Variants in SPIDR observed in about 807,000 individuals in gnomAD.
The protein encoded by SPIDR is DNA repair-scaffolding protein.
A neutral mutation model predicts 104.6 loss-of-function variants in SPIDR; 93 were observed. The ratio of observed to expected loss-of-function variants is 0.89; its 90% CI spans 0.75 to 1.06. The LOEUF (loss-of-function observed/expected upper bound fraction) is 1.06. Ranked by LOEUF, SPIDR falls within the 50% of genes least tolerant of loss-of-function variation. The pLI, the probability that SPIDR is intolerant of heterozygous loss-of-function variation, is 0.00. For synonymous variants in SPIDR, 431 were observed against 416.9 expected (o/e 1.03, Z -0.41); for missense variants, 1,154 against 1,111.2 (o/e 1.04, Z -0.55).
chr8:47,431,714 G>T (rs568679307), intron 7 of SPIDR, among the ~76,000 whole-genome samples: 118 of 152,222 alleles, frequency 7.8e-4, no homozygotes, highest in Non-Finnish European at 8.8e-5. Context: ...TCTGTTTCAT[G>T]CTTAGAATAA....
rs1554566902 is a variant in SPIDR, at chr8:47,289,897, T to A, written c.257-1136T>A. Among the ~76,000 whole-genome samples the A allele has an allele frequency of 2.0e-3, 303 of 152,282 alleles. 1 individual carries two copies. Among genetic ancestry groups the A allele is most frequent in the Non-Finnish European group, 3.3e-3 (223 of 68,012 alleles). On this transcript the variant is annotated intron_variant, in intron 3 of 19. Transcript: ENST00000297423. Reference sequence around the variant, plus strand: ...AGGTGAATGATTAAACAAACTATGGTGCATAGTACCATGGTGTACTATTCA... The same window carrying A: ...AGGTGAATGATTAAACAAACTATGGAGCATAGTACCATGGTGTACTATTCA...
At chr8:47,593,109 A>T (rs1281406624) in intron 8 of SPIDR, among the ~76,000 whole-genome samples, 2 of 151,774 alleles carry the variant, frequency 1.3e-5, no homozygotes, top group Admixed American at 6.6e-5. Flanking sequence ...CTGGTCTCGA[A>T]CTCCTGACCT....
intron 6 of SPIDR, among the ~76,000 whole-genome samples, chr8:47,400,089 G>A (rs1337720672): frequency 6.6e-6 from 1 of 152,162 alleles, no homozygotes; most frequent in Non-Finnish European, 1.5e-5. Context: ...TGCCTTCCCT[G>A]GCATTGGGCA....
chr8:47,492,300 C>G (rs2078844119), intron 8 of SPIDR, among the ~76,000 whole-genome samples: 1 of 152,100 alleles, frequency 6.6e-6, no homozygotes, highest in Non-Finnish European at 1.5e-5. Context: ...TTATTCTTCC[C>G]AAGGTATAAG....
intron 6 of SPIDR, among the ~76,000 whole-genome samples, chr8:47,406,304 C>T (rs1462791936): frequency 6.6e-6 from 1 of 152,134 alleles, no homozygotes; most frequent in Non-Finnish European, 1.5e-5. Context: ...CCAGCTACAC[C>T]ACTCATTAGA....
chr8:47,648,499 C>G (rs1242299163), intron 10 of SPIDR, among the ~76,000 whole-genome samples: 1 of 152,162 alleles, frequency 6.6e-6, no homozygotes, highest in Non-Finnish European at 1.5e-5. Context: ...GAACAGAAGT[C>G]AGTGTCTGTT....
At chr8:47,266,339 C>T (rs782664528) in intron 1 of SPIDR, among the ~76,000 whole-genome samples, 2 of 152,040 alleles carry the variant, frequency 1.3e-5, no homozygotes, top group Non-Finnish European at 2.9e-5. Flanking sequence ...CCGTGTTGCC[C>T]AGGCTGGTCT....
At chr8:47,392,617 A>G (rs1159179891) in intron 5 of SPIDR, among the ~76,000 whole-genome samples, 1 of 152,204 alleles carries the variant, frequency 6.6e-6, no homozygotes, top group African/African-American at 2.4e-5. Context: ...TTGAAGTACT[A>G]CCTGAGCTGC....
At chr8:47,654,438 G>C (rs1052187510) in intron 10 of SPIDR, among the ~76,000 whole-genome samples, 3 of 152,340 alleles carry the variant, frequency 2.0e-5, no homozygotes, top group African/African-American at 7.2e-5. Flanking sequence ...TGGGAGAACA[G>C]TGGGGCATTC....
At chr8:47,340,676 T>G (rs1554613404) in intron 5 of SPIDR, among the ~76,000 whole-genome samples, 1 of 152,244 alleles carries the variant, frequency 6.6e-6, no homozygotes, top group South Asian at 2.1e-4. Flanking sequence ...TAGGTGGAGA[T>G]CTCTGAAGGT....
At chr8:47,405,688 A>G (rs1588274213) in intron 6 of SPIDR, among the ~76,000 whole-genome samples, 1 of 152,214 alleles carries the variant, frequency 6.6e-6, no homozygotes, top group African/African-American at 2.4e-5. Context: ...TTTTTATTCC[A>G]TCGGAGTTTG....
chr8:47,381,828 A>G (rs782421436), intron 5 of SPIDR, among the ~76,000 whole-genome samples: 29 of 152,186 alleles, frequency 1.9e-4, no homozygotes, highest in Non-Finnish European at 5.9e-5. Flanking sequence ...AAGACTTGAG[A>G]CTTTTGTTTT....
At chr8:47,280,383 G>A (rs376208606) in intron 2 of SPIDR, among the ~76,000 whole-genome samples, 52 of 143,184 alleles carry the variant, frequency 3.6e-4, no homozygotes, top group African/African-American at 1.3e-3. Flanking sequence ...ATGTGCCGCC[G>A]TGCCTGGCTA....
At chr8:47,417,068 A>G (rs1554675963) in intron 7 of SPIDR, among the ~76,000 whole-genome samples, 1 of 152,164 alleles carries the variant, frequency 6.6e-6, no homozygotes, top group African/African-American at 2.4e-5. Flanking sequence ...GCTATTGTGA[A>G]TAGTGCCACA....
chr8:47,455,074 T>C (rs2072690241), intron 8 of SPIDR, among the ~76,000 whole-genome samples: 1 of 152,118 alleles, frequency 6.6e-6, no homozygotes, highest in Non-Finnish European at 1.5e-5. Context: ...GGTAGTTGCA[T>C]AGGTAAATGT....
chr8:47,493,100 G>A (rs147707179), intron 8 of SPIDR, among the ~76,000 whole-genome samples: 2 of 150,628 alleles, frequency 1.3e-5, no homozygotes, highest in East Asian at 2.0e-4. Context: ...TTCGCAGATA[G>A]CACCTGTCAT....
At chr8:47,350,222 A>C (rs376940218) in intron 5 of SPIDR, among the ~76,000 whole-genome samples, 45 of 152,372 alleles carry the variant, frequency 3.0e-4, no homozygotes, top group African/African-American at 1.1e-3. Context: ...GATTCCCAAG[A>C]AAATGCTCTG....
intron 8 of SPIDR, among the ~76,000 whole-genome samples, chr8:47,548,507 G>T (rs180994296): frequency 6.6e-6 from 1 of 152,208 alleles, no homozygotes; most frequent in Admixed American, 6.5e-5. Flanking sequence ...AATTAGCTAG[G>T]TGTGGTGACG....
chr8:47,496,842 TTGTC>T (rs2079540106), intron 8 of SPIDR, among the ~76,000 whole-genome samples: 2 of 151,026 alleles, frequency 1.3e-5, no homozygotes, highest in Non-Finnish European at 2.9e-5. Flanking sequence ...GTTTGTTTGT[TTGTC>T]AGAAGTTTTA....
Sources: gnomAD v4.1 joint callset for allele counts (sites outside exome capture counted in the v4.1 genomes callset) on GRCh38, gnomAD v4.1.1 for gene constraint, MANE v1.5 for transcripts, NCBI Gene and HGNC (gene_info 2026-07-23, HGNC 2026-07-21) for gene names.